Variants in RTN1 observed in about 807,000 individuals in gnomAD.
The protein encoded by RTN1 is reticulon 1.
RTN1 carries 25 observed loss-of-function variants against 65.5 expected under a neutral mutation model. That is an observed-to-expected ratio of 0.38 (90% CI 0.28 to 0.53). The LOEUF (loss-of-function observed/expected upper bound fraction) is 0.53, where lower values mean the gene tolerates loss of function less well. Among genes scored for constraint, RTN1 ranks in the 20% least tolerant of loss-of-function variants. RTN1 has a pLI of 0.79. For missense variants in RTN1, 983 were observed against 1,025.4 expected (o/e 0.96, Z 0.57); for synonymous variants, 471 against 447.6 (o/e 1.05, Z -0.66).
intron 3 of RTN1, among the ~76,000 whole-genome samples, chr14:59,658,638 G>A (rs189972704): frequency 6.6e-6 from 1 of 152,314 alleles, no homozygotes; most frequent in East Asian, 1.9e-4. Flanking sequence ...ACTTGCAGCA[G>A]AGGGGCCTGT....
At chr14:59,647,350 T>C (rs1882920960) in intron 3 of RTN1, among the ~76,000 whole-genome samples, 1 of 152,170 alleles carries the variant, frequency 6.6e-6, no homozygotes, top group Non-Finnish European at 1.5e-5. Context: ...ACAATAATAG[T>C]GGGAGACTTC....
At chr14:59,861,590 C>A (rs1361225331) in intron 1 of RTN1, among the ~76,000 whole-genome samples, 1 of 152,148 alleles carries the variant, frequency 6.6e-6, no homozygotes, top group Admixed American at 6.5e-5. Context: ...ATTAAAATGG[C>A]AACCTGGCTT....
chr14:59,635,619 A>G (rs1020206772), intron 3 of RTN1, among the ~76,000 whole-genome samples: 6 of 152,236 alleles, frequency 3.9e-5, no homozygotes, highest in African/African-American at 1.2e-4. Flanking sequence ...GGCAACTCAT[A>G]TTTGTGTATT....
chr14:59,735,488 G>C (rs1294527815), intron 2 of RTN1, among the ~76,000 whole-genome samples: 1 of 152,128 alleles, frequency 6.6e-6, no homozygotes, highest in African/African-American at 2.4e-5. Context: ...GTCTTCAAGA[G>C]ACCCATCTCA....
intron 3 of RTN1, among the ~76,000 whole-genome samples, chr14:59,666,962 CAA>C (rs146213616): frequency 0.29 from 17,235 of 59,346 alleles, 572 homozygotes; most frequent in Non-Finnish European, 0.32. Flanking sequence ...GCCGACCAAC[CAA>C]AAAAAAAAAA....
intron 3 of RTN1, among the ~76,000 whole-genome samples, chr14:59,675,454 G>C (rs1239251997): frequency 2.1e-5 from 3 of 144,864 alleles, no homozygotes; most frequent in South Asian, 2.2e-4. Context: ...TGGGGGGGGG[G>C]CGCTATAATT....
At chr14:59,859,882 G>A (rs1421956029) in intron 1 of RTN1, among the ~76,000 whole-genome samples, 2 of 152,196 alleles carry the variant, frequency 1.3e-5, no homozygotes, top group African/African-American at 4.8e-5. Context: ...ATGATTTACG[G>A]TATCTGGCAG....
At chr14:59,645,762 C>A (rs1882881802) in intron 3 of RTN1, among the ~76,000 whole-genome samples, 1 of 152,212 alleles carries the variant, frequency 6.6e-6, no homozygotes, top group South Asian at 2.1e-4. Context: ...CTTCACTGGG[C>A]AGAGTTACCA....
chr14:59,728,363 C>A (rs1237978845), intron 2 of RTN1, among the ~76,000 whole-genome samples: 1 of 149,854 alleles, frequency 6.7e-6, no homozygotes, highest in Non-Finnish European at 1.5e-5. Context: ...TCCTGCAAGG[C>A]TTTCCATAGT....
rs78322727 is a variant in RTN1, at chr14:59,865,797, G to A, written c.241+4593C>T. Among the ~76,000 whole-genome samples the A allele has an allele frequency of 2.7e-3, 410 of 152,136 alleles. 2 individuals are homozygous for A. Among genetic ancestry groups the A allele is most frequent in the African/African-American group, 9.3e-3 (387 of 41,500 alleles). ...CAGCATCGTTTTCAAAACTCCCTTAGTCACCACTGAAATAATCTAATTGTT... is the reference window on the plus strand; with the variant it reads ...CAGCATCGTTTTCAAAACTCCCTTAATCACCACTGAAATAATCTAATTGTT... On this transcript the variant is annotated intron_variant, in intron 1 of 8. Transcript: ENST00000267484.
rs199800270 is a variant in RTN1 at position 59,746,445 on chromosome 14, A to G, written c.278T>C (p.Phe93Ser). ...TTCCCCATCTTTTGATGTTGTTGAG[A>G]AGGTGTGGTCCATGGCACTGGAAAC... The part of the protein sequence containing the change: ...AGVSSAMDHT[F>S]STTSKDGEGS... Residue 93 changes from phenylalanine (F) to serine (S), a missense_variant, in exon 2 of 9, where the codon TTC becomes TCC. By Grantham distance (155) the Phe-to-Ser change is radical. Around this residue, in one of 2 missense-constraint regions of RTN1, gnomAD observed 818 missense variants for 801.8 expected, o/e 1.02. Coordinates refer to ENST00000267484, the MANE Select transcript of RTN1 (RefSeq NM_021136.3). 3.8e-5 allele frequency: 61 copies of G among 1,607,848 alleles called. No individual in the cohort carries two copies. In the South Asian group the frequency reaches 6.6e-4, roughly 17 times the overall value.
intron 3 of RTN1, among the ~76,000 whole-genome samples, chr14:59,645,241 T>A (rs1202813058): frequency 6.6e-6 from 1 of 152,310 alleles, no homozygotes; most frequent in Non-Finnish European, 1.5e-5. Flanking sequence ...AGTGACACAC[T>A]GCCATCTTTG....
chr14:59,760,233 T>C lies in RTN1; in HGVS notation c.242-13752A>G, dbSNP rs1414941062. On this transcript the variant is annotated intron_variant, in intron 1 of 8. Coordinates refer to ENST00000267484, the MANE Select transcript of RTN1 (RefSeq NM_021136.3). Reference sequence around the variant, plus strand: ...AAGTGAAAAAGTAAGTTGCAGAATATGTGTGTATAGACTTATAGTTATAGA... The same window carrying C: ...AAGTGAAAAAGTAAGTTGCAGAATACGTGTGTATAGACTTATAGTTATAGA... Among the ~76,000 whole-genome samples, 4 of 152,210 alleles carry C rather than the reference T, an allele frequency of 2.6e-5. No homozygotes were observed. In the South Asian group the frequency reaches 6.2e-4, roughly 24 times the overall value.
chr14:59,830,676 T>C (rs1254490827), intron 1 of RTN1, among the ~76,000 whole-genome samples: 2 of 152,232 alleles, frequency 1.3e-5, no homozygotes, highest in Non-Finnish European at 2.9e-5. Context: ...GAATAACAGC[T>C]CTGTCCCTAA....
intron 1 of RTN1, among the ~76,000 whole-genome samples, chr14:59,819,266 G>A (rs1020942610): frequency 1.3e-5 from 2 of 151,824 alleles, no homozygotes; most frequent in African/African-American, 4.8e-5. Flanking sequence ...ATTATGGAAG[G>A]GGTTCCTAGG....
At chr14:59,821,356 GTT>G (rs1359829915) in intron 1 of RTN1, among the ~76,000 whole-genome samples, 1 of 152,094 alleles carries the variant, frequency 6.6e-6, no homozygotes, top group Non-Finnish European at 1.5e-5. Context: ...TTTGTACGTT[GTT>G]TCTAGTTTGT....
intron 1 of RTN1, among the ~76,000 whole-genome samples, chr14:59,842,568 C>A (rs1026279874): frequency 4.0e-5 from 6 of 151,812 alleles, no homozygotes; most frequent in African/African-American, 1.5e-4. Flanking sequence ...CTGCAGGAGC[C>A]CAGTTGCAAA....
chr14:59,726,771 C>T, intron 3 of RTN1, 148 bp downstream of exon 3: 1 of 707,950 alleles, frequency 1.4e-6, no homozygotes, highest in Non-Finnish European at 2.3e-6. Flanking sequence ...TCTCTCATCT[C>T]CTCCCATCCC....
intron 2 of RTN1, among the ~76,000 whole-genome samples, chr14:59,744,499 T>C (rs1396951148): frequency 6.6e-6 from 1 of 152,228 alleles, no homozygotes; most frequent in Admixed American, 6.5e-5. Context: ...GAGTGCTGTT[T>C]AGTATCCTGC....
Sources: gnomAD v4.1 joint callset for allele counts (sites outside exome capture counted in the v4.1 genomes callset) on GRCh38, gnomAD v4.1.1 for gene constraint, gnomAD v4.1.1 regional missense constraint, MANE v1.5 for transcripts, NCBI Gene and HGNC (gene_info 2026-07-23, HGNC 2026-07-21) for gene names.